The following DIP2B variants were observed in gnomAD, a reference collection of about 807,000 sequenced individuals.
DIP2B encodes DIP2 acetate--CoA ligase B (putative), also known as disco-interacting protein 2 homolog B.
In DIP2B, 76 loss-of-function variants were observed where a neutral mutation model predicts 198.0. The observed-to-expected ratio is 0.38, with a 90% CI of 0.32 to 0.46. The LOEUF (loss-of-function observed/expected upper bound fraction) is 0.46, where lower values mean the gene tolerates loss of function less well. Ranked by LOEUF, DIP2B falls within the 20% of genes least tolerant of loss-of-function variation. The pLI, the probability that DIP2B is intolerant of heterozygous loss-of-function variation, is 0.99. For missense variants in DIP2B, 1,559 were observed against 1,978.4 expected (o/e 0.79, Z 4.02); for synonymous variants, 701 against 739.1 (o/e 0.95, Z 0.84).
intron 1 of DIP2B, among the ~76,000 whole-genome samples, chr12:50,512,304 A>T (rs1159044682): frequency 2.0e-5 from 3 of 151,584 alleles, no homozygotes; most frequent in African/African-American, 7.3e-5. Context: ...ACGGGGTTTC[A>T]CTATCTTGGC....
At chr12:50,557,088 C>T (rs761671623) in intron 1 of DIP2B, among the ~76,000 whole-genome samples, 10 of 152,150 alleles carry the variant, frequency 6.6e-5, no homozygotes, top group Non-Finnish European at 1.2e-4. Context: ...CTCAAATGAT[C>T]TGCCTGCCTC....
At chr12:50,704,978 T>G (rs1939488848) in intron 20 of DIP2B, among the ~76,000 whole-genome samples, 1 of 151,848 alleles carries the variant, frequency 6.6e-6, no homozygotes, top group Admixed American at 6.6e-5. Flanking sequence ...ACAAAAAAGT[T>G]TGTTATTCAG....
At chr12:50,526,626 CTTTTTTTTTTTTTTTTT>C (rs11423846) in intron 1 of DIP2B, among the ~76,000 whole-genome samples, 1 of 64,182 alleles carries the variant, frequency 1.6e-5, no homozygotes, top group South Asian at 9.7e-4. Context: ...TTTCCTCTGC[CTTTTTTTTTTTTTTTTT>C]TTTTTTTTTT....
chr12:50,682,779 AT>A (rs887171248), intron 9 of DIP2B, among the ~76,000 whole-genome samples: 1 of 151,832 alleles, frequency 6.6e-6, no homozygotes, highest in African/African-American at 2.4e-5. Context: ...CATTACATTT[AT>A]TTTATTGCCT....
chr12:50,686,593 G>C lies in DIP2B; in HGVS notation c.1462G>C (p.Val488Leu), dbSNP rs117950972. The C allele has an allele frequency of 3.1e-6, 5 of 1,614,054 alleles. No individual in the cohort carries two copies. The highest frequency in any genetic ancestry group is 1.6e-4 in the Middle Eastern group (1 of 6,062). ...TTTAGGTTGGCCCCGGCTCAAATGG[G>C]TTGTAACAGATTCCAAGTACCTTTC... is the stretch of plus-strand genomic sequence containing the variant. ...QFKGWPRLKW[V>L]VTDSKYLSKP... The change falls in exon 12 of 38, where the codon GTT becomes CTT. Residue 488 changes from valine (V) to leucine (L), a missense_variant. Physicochemically the swap from Val to Leu is conservative, Grantham distance 32. Coordinates refer to ENST00000301180, the MANE Select transcript of DIP2B (RefSeq NM_173602.3).
intron 2 of DIP2B, among the ~76,000 whole-genome samples, chr12:50,636,981 G>A (rs876080): frequency 0.6 from 90,422 of 151,924 alleles, 27,848 homozygotes; most frequent in Non-Finnish European, 0.69. Flanking sequence ...TTCTCTAGGC[G>A]GTGAGGTTAA....
intron 23 of DIP2B, among the ~76,000 whole-genome samples, chr12:50,718,281 G>A (rs1043409728): frequency 6.6e-6 from 1 of 152,204 alleles, no homozygotes; most frequent in Non-Finnish European, 1.5e-5. Flanking sequence ...TTCCAGGCCA[G>A]ATATTCTTTA....
chr12:50,640,473 CCTTT>C (rs1351676100), intron 2 of DIP2B, among the ~76,000 whole-genome samples: 3 of 152,114 alleles, frequency 2.0e-5, no homozygotes, highest in Non-Finnish European at 2.9e-5. Flanking sequence ...TCTGGAATGG[CCTTT>C]TAATTTACAT....
In DIP2B at chr12:50,631,153, C is replaced by G. The variant is rs140527680; in HGVS notation, c.172+5106C>G. Among the ~76,000 whole-genome samples the G allele has an allele frequency of 9.8e-3, 1,468 of 150,352 alleles. 9 individuals are homozygous for G. Among genetic ancestry groups the G allele is most frequent in the Non-Finnish European group, 0.016 (1,102 of 67,400 alleles). On this transcript the variant is annotated intron_variant, in intron 2 of 37. Coordinates refer to ENST00000301180, the MANE Select transcript of DIP2B (RefSeq NM_173602.3). ...TTCTTTTCTTTTTTTGAGACAGGGT[C>G]TCACTCTGTCGCCCAGGCTGGAGTG...
rs146647777 is a variant in DIP2B, at chr12:50,735,073, G to A, written c.4044G>A (p.Arg1348=). 35 of 1,613,988 alleles carry A rather than the reference G, an allele frequency of 2.2e-5. No individual in the cohort carries two copies. The highest frequency in any genetic ancestry group is 2.9e-5 in the Non-Finnish European group (34 of 1,180,018). Residue 1348 remains arginine (R), a splice_region_variant and synonymous_variant, in exon 34 of 38, where the codon AGG becomes AGA. Transcript: ENST00000301180. The part of the protein sequence containing the change: ...YVDLKSLRHD[R]VRLVERGAPQ... ...TATAGTAAATACCGTTCTTCTGCAG[G>A]GTTCGTCTCGTGGAACGTGGCGCCC...
intron 1 of DIP2B, among the ~76,000 whole-genome samples, chr12:50,586,605 G>A (rs1237421179): frequency 6.6e-6 from 1 of 152,162 alleles, no homozygotes; most frequent in Non-Finnish European, 1.5e-5. Flanking sequence ...TGGAGTCTTG[G>A]TCTGTTGCCC....
intron 1 of DIP2B, among the ~76,000 whole-genome samples, chr12:50,585,931 ATCTG>A (rs1331370651): frequency 6.6e-6 from 1 of 152,242 alleles, no homozygotes; most frequent in African/African-American, 2.4e-5. Flanking sequence ...CAAGGATCTT[ATCTG>A]TCTGTTCACT....
intron 1 of DIP2B, among the ~76,000 whole-genome samples, chr12:50,621,936 G>C (rs1474184300): frequency 6.6e-6 from 1 of 152,196 alleles, no homozygotes. Flanking sequence ...TTCAAAACCT[G>C]AGGTGGTTAG....
intron 1 of DIP2B, among the ~76,000 whole-genome samples, chr12:50,594,746 C>T (rs1958864012): frequency 6.6e-6 from 1 of 152,120 alleles, no homozygotes; most frequent in Non-Finnish European, 1.5e-5. Flanking sequence ...GTTTAACCCA[C>T]CTCTAATATT....
At chr12:50,679,544 G>C (rs1295542528) in intron 8 of DIP2B, 2 of 152,180 alleles carry the variant, frequency 1.3e-5, no homozygotes, top group Non-Finnish European at 2.9e-5. Flanking sequence ...TAAATTGTAT[G>C]TAAAATAACG....
chr12:50,535,443 C>T (rs576568413), intron 1 of DIP2B, among the ~76,000 whole-genome samples: 95 of 151,314 alleles, frequency 6.3e-4, no homozygotes, highest in Non-Finnish European at 4.4e-4. Flanking sequence ...CGAGGCTTAC[C>T]GTAACCTCTG....
chr12:50,739,372 T>C, intron 35 of DIP2B, 37 bp from the exon 36 acceptor site: 4 of 1,587,542 alleles, frequency 2.5e-6, no homozygotes, highest in Non-Finnish European at 3.5e-6. Context: ...CAGTTGTGTG[T>C]CCCCAGTGAG....
Position 50,734,158 on chromosome 12 carries a change from T to C in DIP2B, c.4005T>C (p.Thr1335=). Residue 1335 remains threonine (T), a synonymous_variant, in exon 33 of 38, where the codon ACT becomes ACC. Coordinates refer to ENST00000301180, the MANE Select transcript of DIP2B (RefSeq NM_173602.3). ...CLQGTSGPDP[T]TVYVDLKSLR... is the part of the protein sequence containing the mutation. ...AGGGAACCTCAGGGCCTGATCCGAC[T>C]ACTGTGTATGTGGATCTGAAATCAC... 6.2e-7 allele frequency: 1 copy of C among 1,614,224 alleles called. No homozygotes were observed. Among genetic ancestry groups the C allele is most frequent in the Non-Finnish European group, 8.5e-7 (1 of 1,180,038 alleles).
chr12:50,515,017 T>C (rs529490691), intron 1 of DIP2B, among the ~76,000 whole-genome samples: 1 of 152,120 alleles, frequency 6.6e-6, no homozygotes, highest in South Asian at 2.1e-4. Context: ...AGAATATGCT[T>C]GCTTTCATGT....
Sources: gnomAD v4.1 joint callset for allele counts (sites outside exome capture counted in the v4.1 genomes callset) on GRCh38, gnomAD v4.1.1 for gene constraint, MANE v1.5 for transcripts, NCBI Gene and HGNC (gene_info 2026-07-23, HGNC 2026-07-21) for gene names.